AKAP10: variants seen among roughly 807,000 people sequenced by gnomAD.
The protein encoded by AKAP10 is A-kinase anchor protein 10, mitochondrial.
AKAP10 carries 24 observed loss-of-function variants against 80.8 expected under a neutral mutation model. The ratio of observed to expected loss-of-function variants is 0.30; its 90% CI spans 0.22 to 0.42. AKAP10 has a LOEUF of 0.42. Among genes scored for constraint, AKAP10 ranks in the 10% least tolerant of loss-of-function variants. The probability of loss-of-function intolerance (pLI) is 1.00; values close to 1 mark genes in which losing one functional copy is unlikely to be tolerated. For synonymous variants in AKAP10, 291 were observed against 277.7 expected (o/e 1.05, Z -0.48); for missense variants, 661 against 794.9 (o/e 0.83, Z 2.03).
rs778978697 is a variant in AKAP10, at chr17:19,936,323, G to A, written c.1430C>T (p.Thr477Ile). 1 of 1,613,968 alleles carries A rather than the reference G, an allele frequency of 6.2e-7. No individual in the cohort carries two copies. The highest frequency in any genetic ancestry group is 8.5e-7 in the Non-Finnish European group (1 of 1,179,900). The part of the protein sequence containing the change: ...REGGPLPNCF[T>I]TPLRQAWTTM... ...TGTCCAGGCCTGACGTAATGGAGTT[G>A]TGAAACAGTTGGGGAGTGGCCCACC... Residue 477 changes from threonine to isoleucine, a missense_variant, in exon 9 of 15, where the codon ACA becomes ATA. Coordinates refer to ENST00000225737, the MANE Select transcript of AKAP10 (RefSeq NM_007202.4).
At chr17:19,916,622 G>A in intron 12 of AKAP10, among the ~76,000 whole-genome samples, 1 of 151,636 alleles carries the variant, frequency 6.6e-6, no homozygotes. Context: ...AGCTGTCAGA[G>A]GTATGAGACC....
intron 4 of AKAP10, among the ~76,000 whole-genome samples, chr17:19,951,988 T>C (rs1157412665): frequency 1.3e-5 from 2 of 150,304 alleles, no homozygotes; most frequent in Non-Finnish European, 3.0e-5. Context: ...ACTGGTAATC[T>C]AAATCCAAAG....
chr17:19,946,274 TA>T (rs1291855921), intron 5 of AKAP10, among the ~76,000 whole-genome samples: 94 of 27,860 alleles, frequency 3.4e-3, no homozygotes, highest in South Asian at 5.7e-3. Context: ...TATATATATA[TA>T]TTTTTTTTTT....
At chr17:19,948,118 T>C (rs1419397973) in intron 4 of AKAP10, among the ~76,000 whole-genome samples, 2 of 152,232 alleles carry the variant, frequency 1.3e-5, no homozygotes, top group African/African-American at 2.4e-5. Context: ...ATCCGTTGAT[T>C]TGATATGAAA....
Position 19,962,829 on chromosome 17 carries a change from T to C in AKAP10, c.319+11A>G, listed in dbSNP as rs762858687. 1.2e-6 allele frequency: 2 copies of C among 1,607,644 alleles called. No individual in the cohort carries two copies. Among genetic ancestry groups the C allele is most frequent in the Non-Finnish European group, 1.7e-6 (2 of 1,176,276 alleles). On this transcript the variant is annotated intron_variant, in intron 3 of 14. Transcript: ENST00000225737. Reference sequence around the variant, plus strand: ...TCTAATACAAGTTAATAAAAAATGATAGTTACTTACCCAGGTCACCAAAAT... The same window carrying C: ...TCTAATACAAGTTAATAAAAAATGACAGTTACTTACCCAGGTCACCAAAAT...
intron 5 of AKAP10, 51 bp downstream of exon 5, chr17:19,947,356 C>A (rs1330130088): frequency 7.2e-7 from 1 of 1,383,656 alleles, no homozygotes; most frequent in South Asian, 1.2e-5. Flanking sequence ...ATTGTCAGTT[C>A]TGTGCATTTT....
rs1277801739 is a variant in AKAP10, at chr17:19,931,963, AGCCAGGC to A, written c.1476_1482del (p.Leu492PhefsTer12). The A allele has an allele frequency of 6.2e-7, 1 of 1,613,052 alleles. No homozygotes were observed. ...TTATAATAAAGATTGCTGGACAAAA[AGCCAGGC>A]AAAAAGACCTGATAGAGATGAAAAG... On this transcript the variant is annotated frameshift_variant, in exon 10 of 15. Transcript: ENST00000225737. LOFTEE classifies it high-confidence loss of function.
chr17:19,962,921 T>C lies in AKAP10; in HGVS notation c.238A>G (p.Met80Val). 2 of 1,614,112 alleles carry C rather than the reference T, an allele frequency of 1.2e-6. No individual in the cohort carries two copies. Among genetic ancestry groups the C allele is most frequent in the Non-Finnish European group, 1.7e-6 (2 of 1,179,968 alleles). ...HVAINAISAN[M>V]DSFSSSRTAT... is the part of the protein sequence containing the mutation. The stretch of plus-strand genomic sequence containing the variant: ...GTCCTGCTACTTGAAAAGGAGTCCA[T>C]GTTGGCAGAAATGGCATTGATTGCA... The change falls in exon 3 of 15, where the codon ATG (methionine) becomes GTG (valine). Residue 80 changes from methionine (M) to valine (V), a missense_variant. By Grantham distance (21) the Met-to-Val change is conservative. Transcript: ENST00000225737.
rs138361246 is a variant in AKAP10, at chr17:19,938,050, T to C, written c.1323-1620A>G. ...AGCAATTCTCCTGCCTCAGCCTCCC[T>C]AGTAGCTGGGATTATAGGCACCCGT... is the stretch of plus-strand genomic sequence containing the variant. On this transcript the variant is annotated intron_variant, in intron 8 of 14. Transcript: ENST00000225737. Among the ~76,000 whole-genome samples, 368 of 142,482 alleles carry C rather than the reference T, an allele frequency of 2.6e-3. 12 individuals are homozygous for C. In the East Asian group the frequency reaches 0.074, roughly 29 times the overall value. The allele number at this position is 142,482 out of a possible 152,430, so 93.5% of individuals were successfully genotyped here. A position where few individuals can be genotyped will look rare whatever the true frequency, so the allele number is the denominator to read the frequency against.
chr17:19,931,881 A>T lies in AKAP10; in HGVS notation c.1565T>A (p.Val522Glu). The change falls in exon 10 of 15, where the codon GTG (valine) becomes GAG (glutamate). Residue 522 changes from valine to glutamate, a missense_variant. Val to Glu is a moderately radical substitution (Grantham distance 121). Transcript: ENST00000225737. ...AACAGAGCCAGGAGCAGTCAGCGACACGTTCCCGCCCAGAAATTCATCTCC... is the reference window on the plus strand; with the variant it reads ...AACAGAGCCAGGAGCAGTCAGCGACTCGTTCCCGCCCAGAAATTCATCTCC... ...VRGDEFLGGN[V>E]SLTAPGSVGP... 1 of 1,614,190 alleles carries T rather than the reference A, an allele frequency of 6.2e-7. No individual in the cohort carries two copies. Among genetic ancestry groups the T allele is most frequent in the Non-Finnish European group, 8.5e-7 (1 of 1,180,034 alleles).
chr17:19,941,955 C>T (rs760485713), intron 5 of AKAP10, 45 bp from the exon 6 acceptor site: 8 of 1,569,218 alleles, frequency 5.1e-6, no homozygotes, highest in Non-Finnish European at 6.1e-6. Context: ...TAAATTCAAA[C>T]TATGTATACA....
chr17:19,951,236 GT>G (rs1175974051), intron 4 of AKAP10, among the ~76,000 whole-genome samples: 3 of 138,118 alleles, frequency 2.2e-5, no homozygotes, highest in African/African-American at 7.7e-5. Context: ...GAGGTGGGGG[GT>G]CAGCCCCCGC....
intron 4 of AKAP10, among the ~76,000 whole-genome samples, chr17:19,955,263 T>C (rs9913701): frequency 6.6e-5 from 10 of 151,972 alleles, no homozygotes; most frequent in African/African-American, 2.4e-4. Flanking sequence ...GGCAAAGCTA[T>C]TGAGACGGAG....
intron 1 of AKAP10, among the ~76,000 whole-genome samples, chr17:19,975,271 G>A (rs868796421): frequency 2.6e-5 from 4 of 152,142 alleles, no homozygotes; most frequent in Middle Eastern, 6.8e-3. Flanking sequence ...TTCCTGCCTC[G>A]GCCTCCTAAA....
At chr17:19,910,478 CAG>C (rs1238608167) in intron 12 of AKAP10, among the ~76,000 whole-genome samples, 1 of 152,140 alleles carries the variant, frequency 6.6e-6, no homozygotes, top group African/African-American at 2.4e-5. Context: ...GCTTACATAA[CAG>C]AGCATTTAAC....
At chr17:19,968,730 T>C (rs2043456005) in intron 1 of AKAP10, among the ~76,000 whole-genome samples, 1 of 152,224 alleles carries the variant, frequency 6.6e-6, no homozygotes, top group African/African-American at 2.4e-5. Context: ...GCTCTACCAC[T>C]TATAAGCCAT....
chr17:19,952,423 C>T (rs1597516639), intron 4 of AKAP10, among the ~76,000 whole-genome samples: 1 of 151,872 alleles, frequency 6.6e-6, no homozygotes, highest in African/African-American at 2.4e-5. Flanking sequence ...AGGATTGCAC[C>T]ACTGCACTCC....
intron 1 of AKAP10, among the ~76,000 whole-genome samples, chr17:19,971,645 A>T (rs1438151921): frequency 2.6e-5 from 4 of 152,136 alleles, no homozygotes; most frequent in Middle Eastern, 3.4e-3. Context: ...TAGCTACTTA[A>T]TTGTTTTATA....
At chr17:19,929,949 C>T (rs559008443) in intron 10 of AKAP10, among the ~76,000 whole-genome samples, 274 of 150,424 alleles carry the variant, frequency 1.8e-3, no homozygotes, top group Middle Eastern at 3.4e-3. Context: ...TGCACTCCAG[C>T]CTGGGCGACA....
Sources: gnomAD v4.1 joint callset for allele counts (sites outside exome capture counted in the v4.1 genomes callset) on GRCh38, gnomAD v4.1.1 for gene constraint, MANE v1.5 for transcripts, NCBI Gene and HGNC (gene_info 2026-07-23, HGNC 2026-07-21) for gene names.